Variants in CLIP1 observed in about 807,000 individuals in gnomAD.
CLIP1 encodes the protein CAP-Gly domain containing linker protein 1.
CLIP1 carries 66 observed loss-of-function variants against 161.6 expected under a neutral mutation model. That is an observed-to-expected ratio of 0.41 (90% CI 0.33 to 0.50). The LOEUF is 0.50. Among genes scored for constraint, CLIP1 ranks in the 20% least tolerant of loss-of-function variants. The pLI is 0.27. For missense variants in CLIP1, 1,376 were observed against 1,702.0 expected (o/e 0.81, Z 3.37); for synonymous variants, 598 against 626.2 (o/e 0.96, Z 0.67).
At chr12:122,385,060 G>A (rs953425800) in intron 1 of CLIP1, among the ~76,000 whole-genome samples, 19 of 151,460 alleles carry the variant, frequency 1.3e-4, no homozygotes, top group African/African-American at 4.6e-4. Context: ...AGACTCATGA[G>A]TAGCTGGGAC....
chr12:122,357,321 C>T (rs1289366868), intron 5 of CLIP1, among the ~76,000 whole-genome samples: 4 of 151,982 alleles, frequency 2.6e-5, no homozygotes, highest in African/African-American at 9.6e-5. Context: ...GCGTCTCTGC[C>T]CGGCCGCCCC....
At chr12:122,364,161 C>A in intron 3 of CLIP1, 54 bp from the exon 4 acceptor site, 3 of 1,607,228 alleles carry the variant, frequency 1.9e-6, no homozygotes, top group Non-Finnish European at 2.6e-6. Context: ...ATAGCTTAAT[C>A]GTTTGTGGTC....
intron 20 of CLIP1, among the ~76,000 whole-genome samples, chr12:122,294,304 G>T (rs1258248360): frequency 6.9e-6 from 1 of 145,278 alleles, no homozygotes; most frequent in Non-Finnish European, 1.5e-5. Flanking sequence ...ACTCCAGCCT[G>T]GGTAAGAGTG....
chr12:122,330,634 C>T (rs1210647798), intron 15 of CLIP1, among the ~76,000 whole-genome samples: 2 of 118,830 alleles, frequency 1.7e-5, no homozygotes, highest in African/African-American at 8.5e-5. Flanking sequence ...GAGTCTCGCA[C>T]TGTTGCCTGG....
intron 1 of CLIP1, among the ~76,000 whole-genome samples, chr12:122,383,013 T>C (rs1042381597): frequency 2.0e-5 from 3 of 152,160 alleles, no homozygotes; most frequent in African/African-American, 7.2e-5. Context: ...TTCCTGCTGC[T>C]GCCTCAGACA....
chr12:122,298,798 T>C (rs1950566825), intron 20 of CLIP1, among the ~76,000 whole-genome samples: 1 of 151,000 alleles, frequency 6.6e-6, no homozygotes, highest in African/African-American at 2.4e-5. Context: ...CTACTAAAAA[T>C]ACAAAAATTA....
chr12:122,357,934 G>C (rs1593154612), intron 5 of CLIP1, among the ~76,000 whole-genome samples: 1 of 152,080 alleles, frequency 6.6e-6, no homozygotes, highest in Admixed American at 6.5e-5. Context: ...CCGTCTGGGA[G>C]GTGTACCCAA....
At chr12:122,349,886 G>GT (rs1000111717) in intron 9 of CLIP1, among the ~76,000 whole-genome samples, 8 of 118,452 alleles carry the variant, frequency 6.8e-5, no homozygotes, top group Admixed American at 1.9e-4. Flanking sequence ...TCAGTCTTGT[G>GT]TTTTTTTGTT....
At chr12:122,417,512 T>C (rs1434574329) in intron 1 of CLIP1, among the ~76,000 whole-genome samples, 17 of 442 alleles carry the variant, frequency 0.038, no homozygotes, top group Admixed American at 0.3. Context: ...TATTCTGCCT[T>C]TTTTTTTTTT....
chr12:122,360,479 G>C (rs1299885386), intron 5 of CLIP1, among the ~76,000 whole-genome samples: 1 of 151,664 alleles, frequency 6.6e-6, no homozygotes, highest in Non-Finnish European at 1.5e-5. Context: ...CCCAACTACT[G>C]GGGAGGCTGA....
chr12:122,363,873 G>A, intron 4 of CLIP1, 110 bp downstream of exon 4: 1 of 1,444,980 alleles, frequency 6.9e-7, no homozygotes, highest in Non-Finnish European at 9.5e-7. Flanking sequence ...AAATAAAAGT[G>A]CCACTCTTCC....
rs116837817 is a variant in CLIP1, at chr12:122,378,816, G to A, written c.86-856C>T. Among the ~76,000 whole-genome samples the A allele has an allele frequency of 7.8e-4, 118 of 152,118 alleles. 1 individual carries two copies. Among genetic ancestry groups the A allele is most frequent in the Middle Eastern group, 3.4e-3 (1 of 294 alleles). On this transcript the variant is annotated intron_variant, in intron 2 of 25. Transcript: ENST00000620786. ...TTGAGACCAGCCCAGTCAACATGAT[G>A]AAACCCCATTCCTACTAAAAAATAT...
chr12:122,282,940 T>C (rs1447337853), intron 21 of CLIP1, among the ~76,000 whole-genome samples: 1 of 152,118 alleles, frequency 6.6e-6, no homozygotes, highest in Admixed American at 6.6e-5. Flanking sequence ...GTCAGACAGT[T>C]AGCAACCCAC....
chr12:122,293,792 TTTTTTTG>T (rs1252387983), intron 20 of CLIP1, among the ~76,000 whole-genome samples: 55 of 136,770 alleles, frequency 4.0e-4, no homozygotes, highest in East Asian at 9.4e-4. Flanking sequence ...AATTTGTTTT[TTTTTTTG>T]TTTTTTGTTT....
At chr12:122,317,835 A>C (rs1379662667) in intron 18 of CLIP1, among the ~76,000 whole-genome samples, 2 of 152,178 alleles carry the variant, frequency 1.3e-5, no homozygotes. Context: ...ATGGGTCCGA[A>C]AATATGGTTC....
intron 17 of CLIP1, among the ~76,000 whole-genome samples, chr12:122,324,907 A>C (rs1951649743): frequency 6.6e-6 from 1 of 152,170 alleles, no homozygotes; most frequent in Non-Finnish European, 1.5e-5. Context: ...TTTAGTCCCA[A>C]TATCACATAT....
chr12:122,410,063 G>T (rs916391296), intron 1 of CLIP1, among the ~76,000 whole-genome samples: 1 of 151,440 alleles, frequency 6.6e-6, no homozygotes, highest in Non-Finnish European at 1.5e-5. Flanking sequence ...GTAGAGACAG[G>T]GTTTTGCTAT....
intron 4 of CLIP1, among the ~76,000 whole-genome samples, chr12:122,362,438 C>T (rs1467113004): frequency 2.0e-5 from 3 of 149,914 alleles, no homozygotes; most frequent in Admixed American, 6.6e-5. Flanking sequence ...GTCAGGAGAT[C>T]GAGACCATCC....
intron 10 of CLIP1, chr12:122,343,307 A>G (rs1317528267): frequency 6.6e-6 from 1 of 152,010 alleles, no homozygotes; most frequent in Non-Finnish European, 1.5e-5. Context: ...CTAATTTTGC[A>G]TTTTTAGTAG....
Sources: gnomAD v4.1 joint callset for allele counts (sites outside exome capture counted in the v4.1 genomes callset) on GRCh38, gnomAD v4.1.1 for gene constraint, MANE v1.5 for transcripts, NCBI Gene and HGNC (gene_info 2026-07-23, HGNC 2026-07-21) for gene names.